MEIS1: variants seen among roughly 807,000 people sequenced by gnomAD.
The protein encoded by MEIS1 is homeobox protein Meis1.
Under a neutral mutation model 50.8 loss-of-function variants are expected in MEIS1, and 5 were observed. The observed-to-expected ratio is 0.10, with a 90% CI of 0.05 to 0.21. The LOEUF (loss-of-function observed/expected upper bound fraction) is 0.21. MEIS1 is among the 10% of genes least tolerant of loss of function. The probability of loss-of-function intolerance (pLI) is 1.00; values close to 1 mark genes in which losing one functional copy is unlikely to be tolerated. For synonymous variants in MEIS1, 176 were observed against 179.3 expected, an observed-to-expected ratio of 0.98 and a Z score of 0.15; for missense variants, 318 against 517.3, an observed-to-expected ratio of 0.61 and a Z score of 3.74.
intron 7 of MEIS1, among the ~76,000 whole-genome samples, chr2:66,483,925 C>T (rs999256009): frequency 6.6e-6 from 1 of 152,150 alleles, no homozygotes; most frequent in African/African-American, 2.4e-5. Flanking sequence ...CTGGTCTCAT[C>T]TGGTCACAAT....
rs559929384 is a variant in MEIS1 at position 66,509,342 on chromosome 2, C to A, written c.743-2807C>A. On this transcript the variant is annotated intron_variant, in intron 7 of 12. Coordinates refer to ENST00000272369, the MANE Select transcript of MEIS1 (RefSeq NM_002398.3). ...GTTTATTGTTTTAGGCTTTTCTGAA[C>A]ATGCACCAGTATTTACACTGGATTG... Among the ~76,000 whole-genome samples, 11 of 152,320 alleles carry A rather than the reference C, an allele frequency of 7.2e-5. No homozygotes were observed. In the South Asian group the frequency reaches 2.3e-3, roughly 32 times the overall value.
At chr2:66,562,282 A>C (rs1221314848) in intron 9 of MEIS1, among the ~76,000 whole-genome samples, 1 of 151,672 alleles carries the variant, frequency 6.6e-6, no homozygotes, top group African/African-American at 2.4e-5. Flanking sequence ...GTGGAGGATA[A>C]ACTAAAGGAC....
chr2:66,517,096 C>T (rs1673989221), intron 8 of MEIS1, among the ~76,000 whole-genome samples: 1 of 152,126 alleles, frequency 6.6e-6, no homozygotes, highest in Non-Finnish European at 1.5e-5. Flanking sequence ...CCAGTTTGAA[C>T]AGTGAATATT....
At chr2:66,483,000 T>C (rs967069563) in intron 7 of MEIS1, among the ~76,000 whole-genome samples, 1 of 152,150 alleles carries the variant, frequency 6.6e-6, no homozygotes, top group African/African-American at 2.4e-5. Context: ...AACTCACCCA[T>C]AAAATGGAAG....
intron 6 of MEIS1, among the ~76,000 whole-genome samples, chr2:66,453,759 T>C (rs565635625): frequency 1.5e-4 from 23 of 152,090 alleles, no homozygotes; most frequent in African/African-American, 5.3e-4. Flanking sequence ...TATAAATTTC[T>C]GTGATTCTGT....
At chr2:66,501,921 C>G (rs1455063243) in intron 7 of MEIS1, among the ~76,000 whole-genome samples, 2 of 151,692 alleles carry the variant, frequency 1.3e-5, no homozygotes, top group African/African-American at 2.4e-5. Context: ...TTCTGGGTCT[C>G]AGTTATTTGA....
At chr2:66,441,487 CTT>C in intron 5 of MEIS1, 23 bp downstream of exon 5, 1 of 1,526,926 alleles carries the variant, frequency 6.5e-7, no homozygotes, top group African/African-American at 1.4e-5. Context: ...GCCTCTTTTC[CTT>C]TTACTTACCC....
At chr2:66,568,250 G>T in intron 10 of MEIS1, 1 of 166,670 alleles carries the variant, frequency 6.0e-6, no homozygotes, top group Non-Finnish European at 1.3e-5. Flanking sequence ...TAATATGCCA[G>T]TAAGATAACA....
rs572475291 is a variant in MEIS1, at chr2:66,509,231, G to C, written c.743-2918G>C. On this transcript the variant is annotated intron_variant, in intron 7 of 12. Transcript: ENST00000272369. ...ACAATTTATTAAAATCTATGAAAGT[G>C]TTTGCTTTTAGAATAGTCTGTTTTA... is the stretch of plus-strand genomic sequence containing the variant. 2.0e-5 allele frequency: 7 copies of C among 352,408 alleles called. No individual in the cohort carries two copies. The East Asian group carries it at 5.9e-4, about 30-fold the overall frequency. 21.8% of individuals were successfully genotyped at this position (352,408 alleles called of 1,614,324 possible). A position where few individuals can be genotyped will look rare whatever the true frequency, so the allele number is the denominator to read the frequency against.
chr2:66,476,569 C>G (rs918245263), intron 7 of MEIS1, among the ~76,000 whole-genome samples: 3 of 152,174 alleles, frequency 2.0e-5, no homozygotes, highest in African/African-American at 7.2e-5. Flanking sequence ...TAGGTTAAGT[C>G]TCCCTAGTGA....
chr2:66,543,198 T>A (rs1450500387), intron 8 of MEIS1, among the ~76,000 whole-genome samples: 1 of 152,136 alleles, frequency 6.6e-6, no homozygotes, highest in Non-Finnish European at 1.5e-5. Context: ...TATTTTTAGA[T>A]TTTTCTCAGA....
At chr2:66,474,860 G>A (rs1294808117) in intron 7 of MEIS1, among the ~76,000 whole-genome samples, 3 of 152,060 alleles carry the variant, frequency 2.0e-5, no homozygotes, top group African/African-American at 7.2e-5. Flanking sequence ...TTCCATATTA[G>A]AAGAAAAGGA....
chr2:66,479,699 C>T (rs1393009196), intron 7 of MEIS1, among the ~76,000 whole-genome samples: 1 of 152,094 alleles, frequency 6.6e-6, no homozygotes, highest in Non-Finnish European at 1.5e-5. Context: ...GAAAATTGAT[C>T]CAGTGAATAT....
At chr2:66,549,856 A>G (rs927501749) in intron 9 of MEIS1, among the ~76,000 whole-genome samples, 1 of 152,204 alleles carries the variant, frequency 6.6e-6, no homozygotes, top group East Asian at 1.9e-4. Context: ...CAAGTTGCTT[A>G]CTATGGGTGG....
At chr2:66,516,160 T>G (rs755573389) in intron 8 of MEIS1, among the ~76,000 whole-genome samples, 1 of 152,202 alleles carries the variant, frequency 6.6e-6, no homozygotes, top group Non-Finnish European at 1.5e-5. Context: ...CCTATCATAT[T>G]GCAGTCTAAA....
At chr2:66,542,841 C>T (rs1674688009) in intron 8 of MEIS1, among the ~76,000 whole-genome samples, 1 of 152,112 alleles carries the variant, frequency 6.6e-6, no homozygotes, top group African/African-American at 2.4e-5. Context: ...TCTTGGCATC[C>T]ACATTTGTAG....
intron 7 of MEIS1, among the ~76,000 whole-genome samples, chr2:66,471,717 T>C (rs1245901892): frequency 6.6e-6 from 1 of 152,234 alleles, no homozygotes; most frequent in Non-Finnish European, 1.5e-5. Flanking sequence ...AAAAGTATCT[T>C]CTTTTCAGTT....
At chr2:66,530,597 T>C (rs1036548305) in intron 8 of MEIS1, among the ~76,000 whole-genome samples, 1 of 152,070 alleles carries the variant, frequency 6.6e-6, no homozygotes, top group African/African-American at 2.4e-5. Flanking sequence ...GCACCTGTAG[T>C]CCCAGCTACT....
chr2:66,437,773 G>A lies in MEIS1; in HGVS notation c.49G>A (p.Val17Ile). 2 of 1,613,890 alleles carry A rather than the reference G, an allele frequency of 1.2e-6. No homozygotes were observed. The highest frequency in any genetic ancestry group is 1.7e-6 in the Non-Finnish European group (2 of 1,179,884). ...ACCCCATTACGGGGGCATGGATGGA[G>A]TAGGCATCCCCTCCACGATGTATGG... Reference protein sequence around the residue: ...DLPHYGGMDGVGIPSTMYGDP... With the variant: ...DLPHYGGMDGIGIPSTMYGDP... Residue 17 changes from valine (V) to isoleucine (I), a missense_variant, in exon 2 of 13, where the codon GTA becomes ATA. Around this residue, in one of 6 missense-constraint regions of MEIS1, gnomAD observed 100 missense variants for 107.1 expected, o/e 0.93. Transcript: ENST00000272369.
Sources: allele counts gnomAD v4.1 joint callset (sites outside exome capture counted in the v4.1 genomes callset), GRCh38; gene constraint gnomAD v4.1.1; regional missense constraint gnomAD v4.1.1; transcripts MANE v1.5; gene names NCBI Gene and HGNC (gene_info 2026-07-23, HGNC 2026-07-21).